The following ARID1B variants were observed in gnomAD, a reference collection of about 807,000 sequenced individuals.
The protein encoded by ARID1B is AT-rich interaction domain 1B.
A neutral mutation model predicts 212.3 loss-of-function variants in ARID1B; 30 were observed. The observed-to-expected ratio is 0.14, with a 90% confidence interval of 0.11 to 0.19. ARID1B has a LOEUF of 0.19. Ranked by LOEUF, ARID1B falls within the 10% of genes least tolerant of loss-of-function variation. The pLI is 1.00. For missense variants in ARID1B, 2,891 were observed against 3,204.0 expected (o/e 0.90, Z 2.36); for synonymous variants, 1,402 against 1,301.7 (o/e 1.08, Z -1.66).
Position 157,203,784 on chromosome 6 carries a change from T to G in ARID1B, c.5264-82T>G. 1 of 1,533,686 alleles carries G rather than the reference T, an allele frequency of 6.5e-7. No individual in the cohort carries two copies. Among genetic ancestry groups the G allele is most frequent in the East Asian group, 2.3e-5 (1 of 44,188 alleles). On this transcript the variant is annotated intron_variant, in intron 18 of 19. Coordinates refer to ENST00000636930, the MANE Select transcript of ARID1B (RefSeq NM_001374828.1). The surrounding 1 kb of genome is among the most constrained non-coding windows in gnomAD (Gnocchi z 4.4). ...ATATTTAACTTAACACTCCACTTAT[T>G]TTTTCTTACTCTTTCGTTAACTTTC...
chr6:157,087,890 C>T (rs1785053188), intron 5 of ARID1B, among the ~76,000 whole-genome samples: 1 of 151,978 alleles, frequency 6.6e-6, no homozygotes, highest in Non-Finnish European at 1.5e-5. Flanking sequence ...AATGACTGTA[C>T]CCCAGAGATT....
intron 3 of ARID1B, among the ~76,000 whole-genome samples, chr6:156,925,644 G>T (rs191848928): frequency 6.6e-6 from 1 of 152,100 alleles, no homozygotes; most frequent in African/African-American, 2.4e-5. Context: ...AAGGAATATG[G>T]CTTTAAGCTT....
At chr6:157,071,801 A>G (rs1479109278) in intron 4 of ARID1B, 1 of 152,186 alleles carries the variant, frequency 6.6e-6, no homozygotes, top group East Asian at 1.9e-4. Flanking sequence ...AGAAGTTCCT[A>G]TGTCTGAATT....
chr6:156,959,111 T>C (rs1794176890), intron 4 of ARID1B, among the ~76,000 whole-genome samples: 1 of 152,222 alleles, frequency 6.6e-6, no homozygotes, highest in Admixed American at 6.5e-5. Flanking sequence ...AATGTTTTCC[T>C]CTATTGGGAA....
At chr6:156,925,902 T>G (rs539664070) in intron 3 of ARID1B, among the ~76,000 whole-genome samples, 1 of 152,006 alleles carries the variant, frequency 6.6e-6, no homozygotes, top group South Asian at 2.1e-4. Flanking sequence ...GCAGGAGGAG[T>G]GAAGGCACAT....
chr6:156,898,914 C>T (rs1388237142), intron 2 of ARID1B, among the ~76,000 whole-genome samples: 5 of 151,996 alleles, frequency 3.3e-5, no homozygotes, highest in East Asian at 3.9e-4. Context: ...GAGGTTGTGG[C>T]GAGCCAAGAT....
chr6:157,080,421 G>A (rs978246811), intron 4 of ARID1B, among the ~76,000 whole-genome samples: 19 of 152,116 alleles, frequency 1.2e-4, no homozygotes, highest in African/African-American at 3.4e-4. Context: ...GTAGCAAGTC[G>A]TCATGTAGTA....
chr6:156,801,475 A>G (rs1158090519), intron 1 of ARID1B, among the ~76,000 whole-genome samples: 1 of 152,174 alleles, frequency 6.6e-6, no homozygotes, highest in Non-Finnish European at 1.5e-5. Context: ...CTGGGATTAC[A>G]GGTGTGAGCC....
intron 3 of ARID1B, among the ~76,000 whole-genome samples, chr6:156,927,869 T>A (rs1182400982): frequency 1.2e-4 from 19 of 152,204 alleles, no homozygotes; most frequent in Admixed American, 5.2e-4. Context: ...CATCCCCGTC[T>A]TAGAAAAATG....
At chr6:156,859,060 A>T (rs957016275) in intron 2 of ARID1B, among the ~76,000 whole-genome samples, 1 of 152,192 alleles carries the variant, frequency 6.6e-6, no homozygotes, top group Non-Finnish European at 1.5e-5. Flanking sequence ...CTACAATATG[A>T]TGGTGATTAC....
chr6:157,052,673 C>T (rs774254545), intron 4 of ARID1B, among the ~76,000 whole-genome samples: 15 of 152,332 alleles, frequency 9.8e-5, no homozygotes, highest in Non-Finnish European at 1.5e-4. Context: ...AAAGATTGGA[C>T]AAACATAGCA....
intron 4 of ARID1B, among the ~76,000 whole-genome samples, chr6:156,979,163 A>G (rs1777452919): frequency 6.6e-6 from 1 of 152,212 alleles, no homozygotes; most frequent in African/African-American, 2.4e-5. Flanking sequence ...TTACCAGGTG[A>G]CAGAGTCATT....
chr6:157,149,269 C>A, intron 8 of ARID1B: 1 of 307,588 alleles, frequency 3.3e-6, no homozygotes, highest in Middle Eastern at 9.5e-4. Flanking sequence ...CTGCGTGGTA[C>A]CAATTGAAGC....
At position 156,778,646 on chromosome 6, in the gene ARID1B, T is replaced by G; in HGVS notation, c.966T>G (p.Pro322=). The G allele has an allele frequency of 6.8e-7, 1 of 1,469,184 alleles. No individual in the cohort carries two copies. Among genetic ancestry groups the G allele is most frequent in the Non-Finnish European group, 9.0e-7 (1 of 1,105,926 alleles). 91.0% of individuals were successfully genotyped at this position (1,469,184 alleles called of 1,614,324 possible). The change falls in exon 1 of 20, where the codon CCT becomes CCG. Residue 322 remains proline, a synonymous_variant. Coordinates refer to ENST00000636930, the MANE Select transcript of ARID1B (RefSeq NM_001374828.1). ...ATAATTACTATGGCAGCGCTGCCCC[T>G]GCGAGCGGCGGCCCCGGCGGCCGCG... ...EFNNYYGSAA[P]ASGGPGGRAG...
intron 4 of ARID1B, among the ~76,000 whole-genome samples, chr6:157,052,770 A>T (rs1782692070): frequency 1.3e-5 from 2 of 152,170 alleles, no homozygotes; most frequent in African/African-American, 2.4e-5. Flanking sequence ...ACCAGGCTGG[A>T]GTGCAGTGGC....
At chr6:156,823,578 A>T (rs182384385) in intron 1 of ARID1B, among the ~76,000 whole-genome samples, 2 of 152,122 alleles carry the variant, frequency 1.3e-5, no homozygotes, top group Non-Finnish European at 2.9e-5. Context: ...TTCCCGAACA[A>T]TGGTTCAAAA....
chr6:157,181,753 C>T (rs1297154384), intron 12 of ARID1B, among the ~76,000 whole-genome samples: 2 of 152,160 alleles, frequency 1.3e-5, no homozygotes, highest in African/African-American at 2.4e-5. Flanking sequence ...GCTTGACTCT[C>T]AGAGTGAGTG....
At chr6:156,857,211 T>C (rs1785011075) in intron 2 of ARID1B, among the ~76,000 whole-genome samples, 1 of 152,224 alleles carries the variant, frequency 6.6e-6, no homozygotes, top group Non-Finnish European at 1.5e-5. Context: ...TTAAGTGACA[T>C]TCCTAAAGTT....
intron 2 of ARID1B, among the ~76,000 whole-genome samples, chr6:156,838,168 A>T (rs1219958192): frequency 6.6e-6 from 1 of 152,156 alleles, no homozygotes; most frequent in Admixed American, 6.5e-5. Context: ...AAGCAAACCA[A>T]CCAGTAGAAT....
Sources: allele counts gnomAD v4.1 joint callset (sites outside exome capture counted in the v4.1 genomes callset), GRCh38; gene constraint gnomAD v4.1.1; non-coding constraint Gnocchi (gnomAD v3.1); transcripts MANE v1.5; gene names NCBI Gene and HGNC (gene_info 2026-07-23, HGNC 2026-07-21).